Variants in CTIF observed in about 807,000 individuals in gnomAD.
CTIF encodes the protein cap binding complex dependent translation initiation factor.
CTIF carries 21 observed loss-of-function variants against 66.0 expected under a neutral mutation model. The observed-to-expected ratio is 0.32, with a 90% CI of 0.23 to 0.46. The LOEUF is 0.46. CTIF is among the 20% of genes least tolerant of loss of function. The pLI is 1.00. For synonymous variants in CTIF, 345 were observed against 326.4 expected, an observed-to-expected ratio of 1.06 and a Z score of -0.62; for missense variants, 739 against 812.7, an observed-to-expected ratio of 0.91 and a Z score of 1.10.
intron 2 of CTIF, among the ~76,000 whole-genome samples, chr18:48,625,840 C>A (rs1036576683): frequency 6.6e-6 from 1 of 152,178 alleles, no homozygotes; most frequent in African/African-American, 2.4e-5. Flanking sequence ...CCTCCTTCTG[C>A]ACAAATAATG....
chr18:48,582,078 G>A (rs757092384), intron 1 of CTIF, among the ~76,000 whole-genome samples: 4 of 151,968 alleles, frequency 2.6e-5, no homozygotes, highest in East Asian at 1.9e-4. Context: ...CTGAGGGGCC[G>A]TCTGTTTCAA....
intron 8 of CTIF, among the ~76,000 whole-genome samples, chr18:48,759,897 T>C (rs917894374): frequency 4.6e-5 from 7 of 152,148 alleles, no homozygotes; most frequent in East Asian, 3.9e-4. Flanking sequence ...CAAGAAGACA[T>C]GGGCTCAGGC....
At position 48,761,229 on chromosome 18, in the gene CTIF, A is replaced by AG. The variant is rs1268495626; in HGVS notation, c.1072-157dup. 2 of 635,372 alleles carry AG rather than the reference A, an allele frequency of 3.1e-6. No individual in the cohort carries two copies. Among genetic ancestry groups the AG allele is most frequent in the Non-Finnish European group, 5.4e-6 (2 of 371,126 alleles). 39.4% of individuals were successfully genotyped at this position (635,372 alleles called of 1,614,324 possible). A position where few individuals can be genotyped will look rare whatever the true frequency, so the allele number is the denominator to read the frequency against. On this transcript the variant is annotated intron_variant, in intron 8 of 11. Transcript: ENST00000256413. The surrounding 1 kb of genome is among the most constrained non-coding windows in gnomAD (Gnocchi z 4.2). ...GGCAACAAGGAGCTTTTGGCGCATGAGGGGTCTTTGGTGGAGGTTCCCAGA... is the reference window on the plus strand; with the variant it reads ...GGCAACAAGGAGCTTTTGGCGCATGAGGGGGTCTTTGGTGGAGGTTCCCAGA...
chr18:48,710,597 C>G (rs1324028832), intron 6 of CTIF, among the ~76,000 whole-genome samples: 1 of 152,212 alleles, frequency 6.6e-6, no homozygotes, highest in East Asian at 1.9e-4. Context: ...GGCCATCAGC[C>G]CAGCTTGTGC....
chr18:48,726,265 TG>T (rs1356365958), intron 7 of CTIF, among the ~76,000 whole-genome samples: 1 of 152,242 alleles, frequency 6.6e-6, no homozygotes, highest in East Asian at 1.9e-4. Flanking sequence ...GATAATTTGC[TG>T]GAAATGGAGC....
At chr18:48,812,709 G>A (rs1199740562) in intron 9 of CTIF, among the ~76,000 whole-genome samples, 1 of 146,620 alleles carries the variant, frequency 6.8e-6, no homozygotes, top group Non-Finnish European at 1.5e-5. Context: ...AGCCTTAATC[G>A]CACCACTGCA....
chr18:48,777,397 C>T (rs1483656708), intron 9 of CTIF, among the ~76,000 whole-genome samples: 1 of 152,322 alleles, frequency 6.6e-6, no homozygotes, highest in East Asian at 1.9e-4. Context: ...AATTTTCAGA[C>T]CCCTTGGGGT....
chr18:48,775,722 G>T (rs1005491936), intron 9 of CTIF, among the ~76,000 whole-genome samples: 1 of 152,254 alleles, frequency 6.6e-6, no homozygotes, highest in Non-Finnish European at 1.5e-5. Context: ...GTTGAGGAAG[G>T]CTTCCTGGAG....
chr18:48,641,924 A>G (rs752182136), intron 3 of CTIF, among the ~76,000 whole-genome samples: 1 of 152,280 alleles, frequency 6.6e-6, no homozygotes, highest in South Asian at 2.1e-4. Context: ...CCTCAAATAC[A>G]CTAATTACCT....
At chr18:48,734,059 GTTC>G (rs1293615242) in intron 7 of CTIF, among the ~76,000 whole-genome samples, 1 of 152,220 alleles carries the variant, frequency 6.6e-6, no homozygotes, top group East Asian at 1.9e-4. Context: ...GGGACGCTGT[GTTC>G]TTCTAACTCT....
At chr18:48,857,484 G>A (rs748727084) in intron 10 of CTIF, 104 bp from the exon 11 acceptor site, 15 of 914,638 alleles carry the variant, frequency 1.6e-5, no homozygotes, top group African/African-American at 3.4e-5. Flanking sequence ...GTTACAGGCC[G>A]CATCAGGGCT....
intron 10 of CTIF, among the ~76,000 whole-genome samples, chr18:48,836,788 C>A (rs2068820661): frequency 6.6e-6 from 1 of 152,232 alleles, no homozygotes. Flanking sequence ...CTGCTGCCAC[C>A]CAAGCTGTGC....
At chr18:48,541,127 G>T (rs960077685) in intron 1 of CTIF, among the ~76,000 whole-genome samples, 1 of 152,198 alleles carries the variant, frequency 6.6e-6, no homozygotes, top group Non-Finnish European at 1.5e-5. Flanking sequence ...GCTCGCCGCC[G>T]CTGCCTTCGC....
At chr18:48,815,864 T>C (rs528132413) in intron 9 of CTIF, among the ~76,000 whole-genome samples, 1 of 152,358 alleles carries the variant, frequency 6.6e-6, no homozygotes, top group South Asian at 2.1e-4. Context: ...ATGTTCTATT[T>C]TGGTGGTGAC....
chr18:48,586,278 T>A (rs1335845721), intron 1 of CTIF, among the ~76,000 whole-genome samples: 2 of 132,824 alleles, frequency 1.5e-5, no homozygotes, highest in African/African-American at 2.8e-5. Flanking sequence ...CACTTTTACT[T>A]TTTTTTTTTT....
intron 1 of CTIF, among the ~76,000 whole-genome samples, chr18:48,573,527 TAACAAG>T (rs2089466263): frequency 6.6e-6 from 1 of 152,236 alleles, no homozygotes; most frequent in Admixed American, 6.5e-5. Context: ...CAAAGAAATT[TAACAAG>T]ATAAGTTTCA....
chr18:48,590,971 A>G (rs1392718549), intron 1 of CTIF, among the ~76,000 whole-genome samples: 1 of 152,170 alleles, frequency 6.6e-6, no homozygotes, highest in East Asian at 1.9e-4. Context: ...GACATGTTGC[A>G]AGGTGCATAT....
Position 48,684,170 on chromosome 18 carries a change from T to C in CTIF, c.507+13426T>C, listed in dbSNP as rs555018997. Among the ~76,000 whole-genome samples the C allele has an allele frequency of 5.9e-5, 9 of 152,314 alleles. No homozygotes were observed. The South Asian group carries it at 1.9e-3, about 32-fold the overall frequency. ...TGTGGGGCCACAGGTGCAGGTGGGA[T>C]TCAGAAAAGGGAAAATGTAGGCTGG... is the stretch of plus-strand genomic sequence containing the variant. On this transcript the variant is annotated intron_variant, in intron 6 of 11. Transcript: ENST00000256413.
At chr18:48,828,214 G>A (rs890202070) in intron 10 of CTIF, among the ~76,000 whole-genome samples, 8 of 152,226 alleles carry the variant, frequency 5.3e-5, no homozygotes, top group African/African-American at 9.6e-5. Context: ...AGCCAGAACC[G>A]TTTTTAAACA....
Sources: allele counts gnomAD v4.1 joint callset (sites outside exome capture counted in the v4.1 genomes callset), GRCh38; gene constraint gnomAD v4.1.1; non-coding constraint Gnocchi (gnomAD v3.1); transcripts MANE v1.5; gene names NCBI Gene and HGNC (gene_info 2026-07-23, HGNC 2026-07-21).